The following CEP350 variants were observed in gnomAD, a reference collection of about 807,000 sequenced individuals.
CEP350 encodes the protein centrosomal protein 350.
In CEP350, 126 loss-of-function variants were observed where a neutral mutation model predicts 331.8. The ratio of observed to expected loss-of-function variants is 0.38; its 90% CI spans 0.33 to 0.44. CEP350 has a LOEUF of 0.44. CEP350 is among the 20% of genes least tolerant of loss of function. The pLI is 1.00. For synonymous variants in CEP350, 1,200 were observed against 1,259.5 expected (o/e 0.95, Z 1.00); for missense variants, 3,406 against 3,634.6 (o/e 0.94, Z 1.62).
intron 5 of CEP350, among the ~76,000 whole-genome samples, chr1:179,994,221 G>T (rs1035744418): frequency 1.3e-5 from 2 of 151,912 alleles, no homozygotes; most frequent in Non-Finnish European, 2.9e-5. Flanking sequence ...TTGTTGGGGG[G>T]GTGTTAATTT....
intron 37 of CEP350, among the ~76,000 whole-genome samples, chr1:180,100,888 A>G (rs1434820347): frequency 6.6e-6 from 1 of 152,234 alleles, no homozygotes; most frequent in Non-Finnish European, 1.5e-5. Flanking sequence ...CTCCCATGAT[A>G]CAATTACCTC....
chr1:180,003,130 A>G (rs1352562909), intron 6 of CEP350, 44 bp from the exon 7 acceptor site: 14 of 1,298,244 alleles, frequency 1.1e-5, no homozygotes, highest in Non-Finnish European at 1.4e-5. Context: ...AAAACTTATA[A>G]AGCAACTTTG....
intron 1 of CEP350, among the ~76,000 whole-genome samples, chr1:179,958,911 G>T (rs192552972): frequency 6.6e-6 from 1 of 152,128 alleles, no homozygotes; most frequent in Non-Finnish European, 1.5e-5. Context: ...ATAGAAAAAG[G>T]TCTATAAGGA....
At chr1:180,066,094 A>G (rs1034923281) in intron 27 of CEP350, among the ~76,000 whole-genome samples, 7 of 152,288 alleles carry the variant, frequency 4.6e-5, no homozygotes, top group Non-Finnish European at 1.0e-4. Flanking sequence ...AAATAGTTCT[A>G]AGAATTATTT....
chr1:180,047,094 G>A (rs918940889), intron 21 of CEP350, among the ~76,000 whole-genome samples: 15 of 152,282 alleles, frequency 9.9e-5, no homozygotes, highest in South Asian at 4.1e-4. Context: ...TGAGAGTTGG[G>A]GTGGGATCCA....
chr1:180,102,042 A>T (rs1660847894), intron 37 of CEP350, among the ~76,000 whole-genome samples: 3 of 151,958 alleles, frequency 2.0e-5, no homozygotes. Flanking sequence ...GGACCCTCTC[A>T]TGGGAGGGCC....
intron 3 of CEP350, among the ~76,000 whole-genome samples, chr1:179,989,575 A>G (rs999115341): frequency 6.6e-6 from 1 of 150,876 alleles, no homozygotes; most frequent in African/African-American, 2.4e-5. Context: ...TTCATTTTTT[A>G]TATTGTTTCT....
chr1:180,063,163 T>G (rs150790125), intron 26 of CEP350, among the ~76,000 whole-genome samples: 1 of 150,622 alleles, frequency 6.6e-6, no homozygotes, highest in Non-Finnish European at 1.5e-5. Context: ...AAAGGAGATA[T>G]TAGACAAAAA....
At chr1:180,063,954 T>C (rs1658394226) in intron 26 of CEP350, among the ~76,000 whole-genome samples, 1 of 152,152 alleles carries the variant, frequency 6.6e-6, no homozygotes, top group South Asian at 2.1e-4. Flanking sequence ...TGTCAAACAG[T>C]ACAAAAAATT....
chr1:180,052,935 T>C (rs771086960), intron 22 of CEP350, 35 bp from the exon 23 acceptor site: 3 of 811,968 alleles, frequency 3.7e-6, no homozygotes, highest in South Asian at 3.6e-5. Flanking sequence ...AGAACAATTA[T>C]AATGATAAAA....
intron 3 of CEP350, among the ~76,000 whole-genome samples, chr1:179,989,078 A>G (rs1652856774): frequency 6.6e-6 from 1 of 152,134 alleles, no homozygotes; most frequent in African/African-American, 2.4e-5. Flanking sequence ...ATAAAGGAAT[A>G]TAAGTAGGGG....
At chr1:179,966,925 G>T (rs1651058770) in intron 1 of CEP350, among the ~76,000 whole-genome samples, 1 of 152,174 alleles carries the variant, frequency 6.6e-6, no homozygotes, top group African/African-American at 2.4e-5. Context: ...GTCACTTGGT[G>T]TTCCTGGGAG....
At chr1:180,025,277 C>T (rs989206842) in intron 14 of CEP350, among the ~76,000 whole-genome samples, 3 of 152,030 alleles carry the variant, frequency 2.0e-5, no homozygotes, top group Non-Finnish European at 2.9e-5. Flanking sequence ...ATATACATCT[C>T]TGAGTATCAT....
At chr1:180,008,334 A>G (rs903061798) in intron 8 of CEP350, among the ~76,000 whole-genome samples, 16 of 152,154 alleles carry the variant, frequency 1.1e-4, no homozygotes, top group African/African-American at 3.4e-4. Context: ...TGGTTTTCTC[A>G]TATGTAAAAT....
chr1:180,110,494 A>T (rs1661413218), intron 37 of CEP350, among the ~76,000 whole-genome samples: 1 of 152,234 alleles, frequency 6.6e-6, no homozygotes, highest in Non-Finnish European at 1.5e-5. Context: ...ACCAATATAC[A>T]TGCTCTGAGC....
chr1:180,107,386 A>T (rs1412115783), intron 37 of CEP350, among the ~76,000 whole-genome samples: 1 of 152,208 alleles, frequency 6.6e-6, no homozygotes, highest in Non-Finnish European at 1.5e-5. Flanking sequence ...AAAAAAGTGT[A>T]AATTAGCCAG....
At chr1:179,997,285 C>G in intron 6 of CEP350, 110 bp downstream of exon 6, 3 of 1,303,282 alleles carry the variant, frequency 2.3e-6, no homozygotes, top group Non-Finnish European at 2.1e-6. Flanking sequence ...TTATTCTTGA[C>G]TGCATAAGCA....
Position 180,092,950 on chromosome 1 carries a change from A to G in CEP350, c.6845A>G (p.Asp2282Gly). The change falls in exon 34 of 38, where the codon GAT (aspartate) becomes GGT (glycine). Residue 2282 changes from aspartate to glycine, a missense_variant. Around this residue, in one of 5 missense-constraint regions of CEP350, gnomAD observed 1,415 missense variants for 1,512.3 expected, o/e 0.94. Coordinates refer to ENST00000367607, the MANE Select transcript of CEP350 (RefSeq NM_014810.5). Reference protein sequence around the residue: ...EDAFSKEGKSDVLLKLVLEQG... With the variant: ...EDAFSKEGKSGVLLKLVLEQG... ...GCCTTTTCTAAAGAAGGTAAATCTG[A>G]TGTCTTACTGAAATTAGTCCTAGAA... The G allele has an allele frequency of 6.3e-7, 1 of 1,594,770 alleles. No individual in the cohort carries two copies. The highest frequency in any genetic ancestry group is 1.7e-5 in the Admixed American group (1 of 57,164).
chr1:179,985,032 T>G (rs1338057658), intron 1 of CEP350, among the ~76,000 whole-genome samples: 1 of 152,186 alleles, frequency 6.6e-6, no homozygotes, highest in African/African-American at 2.4e-5. Flanking sequence ...TTACAACCAT[T>G]TCTTAAGTGT....
Sources: gnomAD v4.1 joint callset for allele counts (sites outside exome capture counted in the v4.1 genomes callset) on GRCh38, gnomAD v4.1.1 for gene constraint, gnomAD v4.1.1 regional missense constraint, MANE v1.5 for transcripts, NCBI Gene and HGNC (gene_info 2026-07-23, HGNC 2026-07-21) for gene names.